The following HYDIN variants were observed in gnomAD, a reference collection of about 807,000 sequenced individuals.
The protein encoded by HYDIN is HYDIN axonemal central pair apparatus protein, also known as axonemal central pair apparatus protein HYDIN.
In HYDIN, 132 loss-of-function variants were observed where a neutral mutation model predicts 403.9. That is an observed-to-expected ratio of 0.33 (90% CI 0.28 to 0.38). The LOEUF is 0.38. Ranked by LOEUF, HYDIN falls within the 10% of genes least tolerant of loss-of-function variation. The pLI, the probability that HYDIN is intolerant of heterozygous loss-of-function variation, is 1.00. For missense variants in HYDIN, 2,827 were observed against 5,009.5 expected (o/e 0.56, Z 13.15); for synonymous variants, 1,202 against 1,891.7 (o/e 0.64, Z 9.46).
chr16:70,863,401 T>C (rs1158820993), intron 67 of HYDIN, among the ~76,000 whole-genome samples: 2 of 152,114 alleles, frequency 1.3e-5, no homozygotes, highest in East Asian at 1.9e-4. Context: ...ATATAAAAAA[T>C]ATTTATCACT....
At chr16:71,126,313 C>T (rs1338810497) in intron 9 of HYDIN, among the ~76,000 whole-genome samples, 4 of 152,020 alleles carry the variant, frequency 2.6e-5, no homozygotes, top group Non-Finnish European at 5.9e-5. Context: ...GTTGGAGATG[C>T]GTGTCGAGGC....
At chr16:70,876,183 A>AT (rs796608303) in intron 62 of HYDIN, among the ~76,000 whole-genome samples, 6,133 of 141,764 alleles carry the variant, frequency 0.043, 397 homozygotes, top group African/African-American at 0.15. Context: ...TTGTCTGCAC[A>AT]TTTTTTTTTT....
chr16:70,849,413 CT>C (rs61235201), intron 75 of HYDIN, among the ~76,000 whole-genome samples: 104 of 149,950 alleles, frequency 6.9e-4, no homozygotes, highest in African/African-American at 2.0e-3. Flanking sequence ...CATCACCATT[CT>C]TTTTTTTTTC....
intron 13 of HYDIN, among the ~76,000 whole-genome samples, chr16:71,071,127 GAC>G (rs1315922861): frequency 2.1e-5 from 3 of 142,356 alleles, no homozygotes; most frequent in African/African-American, 7.9e-5. Context: ...TTATGAGTTA[GAC>G]GATCTGTGAA....
At chr16:70,948,358 A>G (rs2077947992) in intron 41 of HYDIN, among the ~76,000 whole-genome samples, 1 of 152,174 alleles carries the variant, frequency 6.6e-6, no homozygotes, top group Non-Finnish European at 1.5e-5. Flanking sequence ...ACAACCCTAG[A>G]AAAAAACCTA....
At chr16:71,110,468 CATA>C (rs2083782923) in intron 10 of HYDIN, among the ~76,000 whole-genome samples, 14 of 135,398 alleles carry the variant, frequency 1.0e-4, no homozygotes, top group Non-Finnish European at 1.7e-4. Context: ...TATATATAAA[CATA>C]TATAAATATA....
Position 70,895,967 on chromosome 16 carries a change from A to T in HYDIN, c.9148+14T>A, listed in dbSNP as rs1567785188. ...CAACTTCCAAACATCCTGTCCTTGA[A>T]GGGCCCAACAGACCTTTGGGGAAGG... On this transcript the variant is annotated intron_variant, in intron 54 of 85. Coordinates refer to ENST00000393567, the MANE Select transcript of HYDIN (RefSeq NM_001270974.2). 3 of 1,592,362 alleles carry T rather than the reference A, an allele frequency of 1.9e-6. No homozygotes were observed. In the African/African-American group the frequency reaches 4.3e-5, roughly 23 times the overall value.
chr16:71,019,522 G>A (rs1178973780), intron 22 of HYDIN, among the ~76,000 whole-genome samples: 5 of 152,264 alleles, frequency 3.3e-5, no homozygotes, highest in Non-Finnish European at 7.4e-5. Flanking sequence ...ACAAGGGGCT[G>A]GGCATAAGTT....
chr16:71,125,723 T>G (rs2084427556), intron 9 of HYDIN, among the ~76,000 whole-genome samples: 1 of 152,060 alleles, frequency 6.6e-6, no homozygotes, highest in Non-Finnish European at 1.5e-5. Flanking sequence ...CCTCACAATG[T>G]CTCACCTCAC....
chr16:71,152,632 G>C (rs1464917341), intron 7 of HYDIN, 27 bp downstream of exon 7: 1 of 737,326 alleles, frequency 1.4e-6, no homozygotes, highest in Admixed American at 2.7e-5. Flanking sequence ...TTAATATGTA[G>C]AACTTTTAAC....
rs1210738960 is a variant in HYDIN at position 71,179,030 on chromosome 16, C to G, written c.279G>C (p.Leu93=). 6.2e-7 allele frequency: 1 copy of G among 1,609,946 alleles called. No individual in the cohort carries two copies. Among genetic ancestry groups the G allele is most frequent in the East Asian group, 2.2e-5 (1 of 44,750 alleles). ...GAAAGGGCTGGAATAATGCCTGATC[C>G]AGGTCAATTCCTGAAAACTTCAGTT... is the stretch of plus-strand genomic sequence containing the variant. The part of the protein sequence containing the change: ...TTHQKFSGID[L]DQALFQPFPS... The change falls in exon 4 of 86, where the codon CTG becomes CTC. Residue 93 remains leucine (L), a synonymous_variant. Coordinates refer to ENST00000393567, the MANE Select transcript of HYDIN (RefSeq NM_001270974.2).
intron 29 of HYDIN, among the ~76,000 whole-genome samples, chr16:70,979,445 T>A (rs980700057): frequency 6.6e-6 from 1 of 152,152 alleles, no homozygotes; most frequent in Admixed American, 6.5e-5. Flanking sequence ...TTTAAGTCAC[T>A]TTTTATGTTT....
intron 36 of HYDIN, among the ~76,000 whole-genome samples, chr16:70,967,478 T>C (rs946423738): frequency 2.6e-5 from 4 of 151,596 alleles, no homozygotes; most frequent in African/African-American, 9.7e-5. Context: ...TCCAGCTAAA[T>C]TATTTTGTAT....
Position 70,805,095 on chromosome 16 carries a change from C to G in HYDIN, c.*2485G>C, listed in dbSNP as rs9930631. ...GGACCAATTGCTTCCCTTCTCCTAA[C>G]CTATACCTCTGGTGAATAGGTGGAA... On this transcript the variant is annotated 3_prime_UTR_variant, in exon 86 of 86. Coordinates refer to ENST00000393567, the MANE Select transcript of HYDIN (RefSeq NM_001270974.2). Among the ~76,000 whole-genome samples the G allele has an allele frequency of 6.6e-6, 1 of 152,206 alleles. No homozygotes were observed. The highest frequency in any genetic ancestry group is 1.9e-4 in the East Asian group (1 of 5,204).
intron 10 of HYDIN, among the ~76,000 whole-genome samples, chr16:71,110,410 A>AAAATAAAATACATATATTTTATAT (rs2083776130): frequency 7.1e-6 from 1 of 140,634 alleles, no homozygotes; most frequent in African/African-American, 2.6e-5. Flanking sequence ...ATTTATATAT[A>AAAATAAAATACATATATTTTATAT]ATATATTTAT....
At position 71,179,030 on chromosome 16, in the gene HYDIN, C is replaced by T; in HGVS notation, c.279G>A (p.Leu93=). 1 of 1,609,946 alleles carries T rather than the reference C, an allele frequency of 6.2e-7. No homozygotes were observed. Among genetic ancestry groups the T allele is most frequent in the Non-Finnish European group, 8.5e-7 (1 of 1,177,988 alleles). ...TTHQKFSGID[L]DQALFQPFPS... Reference sequence around the variant, plus strand: ...GAAAGGGCTGGAATAATGCCTGATCCAGGTCAATTCCTGAAAACTTCAGTT... The same window carrying T: ...GAAAGGGCTGGAATAATGCCTGATCTAGGTCAATTCCTGAAAACTTCAGTT... The change falls in exon 4 of 86, where the codon CTG becomes CTA. Residue 93 remains leucine, a synonymous_variant. Coordinates refer to ENST00000393567, the MANE Select transcript of HYDIN (RefSeq NM_001270974.2).
intron 83 of HYDIN, among the ~76,000 whole-genome samples, chr16:70,824,272 T>G: frequency 6.6e-6 from 1 of 151,108 alleles, no homozygotes; most frequent in Non-Finnish European, 1.5e-5. Context: ...TTTGTTTACA[T>G]GTACAGTTTA....
chr16:71,125,594 T>C (rs970530169), intron 9 of HYDIN, among the ~76,000 whole-genome samples: 93 of 152,070 alleles, frequency 6.1e-4, no homozygotes, highest in Admixed American at 2.2e-3. Flanking sequence ...TTTAAGCTTA[T>C]ATTGCTATTG....
intron 18 of HYDIN, among the ~76,000 whole-genome samples, chr16:71,058,759 G>A (rs1294521406): frequency 1.3e-5 from 2 of 151,964 alleles, no homozygotes; most frequent in African/African-American, 2.4e-5. Context: ...GTTGACCCTT[G>A]AACAACATGA....
Sources: allele counts gnomAD v4.1 joint callset (sites outside exome capture counted in the v4.1 genomes callset), GRCh38; gene constraint gnomAD v4.1.1; transcripts MANE v1.5; gene names NCBI Gene and HGNC (gene_info 2026-07-23, HGNC 2026-07-21).